ASIC2: variants seen among roughly 807,000 people sequenced by gnomAD.
ASIC2 encodes the protein acid sensing ion channel subunit 2, also known as acid-sensing ion channel 2.
ASIC2 carries 25 observed loss-of-function variants against 57.3 expected under a neutral mutation model. The ratio of observed to expected loss-of-function variants is 0.44; its 90% CI spans 0.32 to 0.61. The LOEUF (loss-of-function observed/expected upper bound fraction) is 0.61, where lower values mean the gene tolerates loss of function less well. ASIC2 is among the 20% of genes least tolerant of loss of function. ASIC2 has a pLI of 0.06. For missense variants in ASIC2, 641 were observed against 738.1 expected, an observed-to-expected ratio of 0.87 and a Z score of 1.52; for synonymous variants, 319 against 307.5, an observed-to-expected ratio of 1.04 and a Z score of -0.39.
intron 1 of ASIC2, among the ~76,000 whole-genome samples, chr17:34,134,254 G>A (rs1912070207): frequency 6.6e-6 from 1 of 152,154 alleles, no homozygotes; most frequent in East Asian, 1.9e-4. Context: ...TTGAAATGTT[G>A]TAAATGGTCA....
intron 3 of ASIC2, among the ~76,000 whole-genome samples, chr17:33,062,536 A>G (rs1370239497): frequency 1.3e-5 from 2 of 152,168 alleles, no homozygotes; most frequent in African/African-American, 2.4e-5. Flanking sequence ...ACAGTTTGTT[A>G]TAATTTCTGT....
chr17:33,477,105 G>A (rs562687408), intron 1 of ASIC2, among the ~76,000 whole-genome samples: 2 of 151,952 alleles, frequency 1.3e-5, no homozygotes, highest in African/African-American at 2.4e-5. Context: ...TTATTCCATT[G>A]TATAGCTTTA....
chr17:34,109,205 T>G (rs1026218674), intron 1 of ASIC2, among the ~76,000 whole-genome samples: 6 of 152,174 alleles, frequency 3.9e-5, no homozygotes, highest in Admixed American at 3.9e-4. Context: ...TAACTTATTA[T>G]TTTGTTTTCT....
intron 1 of ASIC2, among the ~76,000 whole-genome samples, chr17:33,753,156 G>A (rs1910485566): frequency 6.6e-6 from 1 of 152,182 alleles, no homozygotes; most frequent in South Asian, 2.1e-4. Context: ...GCCATAGAAA[G>A]ACATGGAGAA....
At chr17:33,232,852 T>C (rs1908160398) in intron 1 of ASIC2, among the ~76,000 whole-genome samples, 1 of 152,228 alleles carries the variant, frequency 6.6e-6, no homozygotes, top group African/African-American at 2.4e-5. Flanking sequence ...CTGGCTGCCC[T>C]CTTCAGTGGT....
At chr17:34,024,394 C>T (rs993420949) in intron 1 of ASIC2, among the ~76,000 whole-genome samples, 1 of 152,222 alleles carries the variant, frequency 6.6e-6, no homozygotes, top group Admixed American at 6.5e-5. Context: ...TTACAAGGAA[C>T]CTGTTTTTCC....
intron 1 of ASIC2, among the ~76,000 whole-genome samples, chr17:33,499,357 G>A (rs932652384): frequency 6.6e-6 from 1 of 152,224 alleles, no homozygotes; most frequent in Non-Finnish European, 1.5e-5. Flanking sequence ...TTGGAAATAG[G>A]GGTCTTTGCA....
intron 1 of ASIC2, among the ~76,000 whole-genome samples, chr17:33,452,640 C>T (rs1221520319): frequency 6.6e-6 from 1 of 151,886 alleles, no homozygotes; most frequent in Non-Finnish European, 1.5e-5. Flanking sequence ...CATAATGATG[C>T]CATGCACGAC....
intron 1 of ASIC2, among the ~76,000 whole-genome samples, chr17:34,104,686 T>C (rs1910981684): frequency 1.3e-5 from 2 of 152,106 alleles, no homozygotes; most frequent in Non-Finnish European, 2.9e-5. Context: ...GTGCTGGATA[T>C]TGTTAAATGC....
Position 34,041,831 on chromosome 17 carries a change from CT to C in ASIC2, c.555+114146del, listed in dbSNP as rs541691255. Among the ~76,000 whole-genome samples the C allele has an allele frequency of 6.9e-4, 105 of 152,312 alleles. 1 individual carries two copies. Among genetic ancestry groups the C allele is most frequent in the African/African-American group, 2.5e-3 (102 of 41,588 alleles). On this transcript the variant is annotated intron_variant, in intron 1 of 9. Coordinates refer to the ASIC2 transcript ENST00000359872. ...CACATACTGCAATCTCCTAAGTAGT[CT>C]TTCACCTTTAATATTCCTCCCTCTG...
chr17:33,903,307 C>A (rs904501028), intron 1 of ASIC2, among the ~76,000 whole-genome samples: 1 of 152,146 alleles, frequency 6.6e-6, no homozygotes, highest in Non-Finnish European at 1.5e-5. Context: ...AAAATTCCAG[C>A]CAGCAATCTC....
chr17:33,249,095 A>G (rs1297886236), intron 1 of ASIC2, among the ~76,000 whole-genome samples: 1 of 152,152 alleles, frequency 6.6e-6, no homozygotes, highest in Non-Finnish European at 1.5e-5. Context: ...TTGAAAGGTA[A>G]GGCCAATAGG....
chr17:33,513,260 T>C (rs1567635767), intron 1 of ASIC2, among the ~76,000 whole-genome samples: 1 of 152,252 alleles, frequency 6.6e-6, no homozygotes, highest in Non-Finnish European at 1.5e-5. Context: ...GCATTTATTT[T>C]ATGATTCTTT....
intron 1 of ASIC2, among the ~76,000 whole-genome samples, chr17:33,261,215 C>G (rs1484907108): frequency 6.6e-6 from 1 of 152,204 alleles, no homozygotes; most frequent in African/African-American, 2.4e-5. Context: ...TATTTCCTAG[C>G]TTAGTTATCA....
At chr17:34,069,297 TCTTC>T (rs369975353) in intron 1 of ASIC2, 17,357 of 121,722 alleles carry the variant, frequency 0.14, 1,136 homozygotes, top group South Asian at 0.22. Context: ...TTTCTTTCCT[TCTTC>T]CTTCCTTCCT....
At position 34,156,695 on chromosome 17, in the gene ASIC2, T is replaced by C; in HGVS notation, c.-163A>G. On this transcript the variant is annotated 5_prime_UTR_variant, in exon 1 of 10. Transcript: ENST00000359872. The surrounding 1 kb of genome is among the most constrained non-coding windows in gnomAD (Gnocchi z 4.4). ...TTATCCTGAGAGCCCAGCCGCACGC[T>C]GACAGGGGTGAGTGTTTATATAAAA... 1.5e-6 allele frequency: 1 copy of C among 682,334 alleles called. No homozygotes were observed. The highest frequency in any genetic ancestry group is 2.4e-6 in the Non-Finnish European group (1 of 414,322). 42.3% of individuals were successfully genotyped at this position (682,334 alleles called of 1,614,324 possible).
At chr17:33,712,318 C>A (rs988784520) in intron 1 of ASIC2, among the ~76,000 whole-genome samples, 8 of 152,206 alleles carry the variant, frequency 5.3e-5, no homozygotes, top group Admixed American at 3.3e-4. Context: ...CCACAGCACA[C>A]AACACACACT....
intron 1 of ASIC2, among the ~76,000 whole-genome samples, chr17:33,573,558 G>T (rs998046218): frequency 2.4e-4 from 37 of 151,744 alleles, no homozygotes; most frequent in African/African-American, 8.9e-4. Flanking sequence ...TTTAAATCTT[G>T]TTTTTTTGTT....
intron 8 of ASIC2, among the ~76,000 whole-genome samples, chr17:33,016,529 G>C (rs1385198644): frequency 6.6e-6 from 1 of 152,176 alleles, no homozygotes; most frequent in Non-Finnish European, 1.5e-5. Context: ...TACCTGGTGT[G>C]ATTCAATTGC....
Sources: allele counts gnomAD v4.1 joint callset (sites outside exome capture counted in the v4.1 genomes callset), GRCh38; gene constraint gnomAD v4.1.1; non-coding constraint Gnocchi (gnomAD v3.1); transcripts MANE v1.5; gene names NCBI Gene and HGNC (gene_info 2026-07-23, HGNC 2026-07-21).